The following NPAS3 variants were observed in gnomAD, a reference collection of about 807,000 sequenced individuals.
NPAS3 encodes the protein neuronal PAS domain protein 3.
A neutral mutation model predicts 73.1 loss-of-function variants in NPAS3; 14 were observed. That is an observed-to-expected ratio of 0.19 (90% CI 0.13 to 0.30). The LOEUF is 0.30. Ranked by LOEUF, NPAS3 falls within the 10% of genes least tolerant of loss-of-function variation. The pLI, the probability that NPAS3 is intolerant of heterozygous loss-of-function variation, is 1.00. For synonymous variants in NPAS3, 620 were observed against 541.5 expected, an observed-to-expected ratio of 1.14 and a Z score of -2.01; for missense variants, 1,096 against 1,250.0, an observed-to-expected ratio of 0.88 and a Z score of 1.86.
intron 9 of NPAS3, among the ~76,000 whole-genome samples, chr14:33,790,874 G>A (rs968898049): frequency 1.1e-4 from 16 of 152,096 alleles, no homozygotes; most frequent in African/African-American, 3.6e-4. Context: ...TCACCATGTT[G>A]GCCAGGCTAG....
chr14:33,187,374 G>A (rs1468691675), intron 2 of NPAS3, among the ~76,000 whole-genome samples: 1 of 152,140 alleles, frequency 6.6e-6, no homozygotes, highest in Non-Finnish European at 1.5e-5. Flanking sequence ...CTTTATGTAG[G>A]TAATTTCTCT....
intron 3 of NPAS3, among the ~76,000 whole-genome samples, chr14:33,313,872 CTAAG>C (rs1260861337): frequency 6.6e-6 from 1 of 151,942 alleles, no homozygotes; most frequent in East Asian, 1.9e-4. Flanking sequence ...GGTCACACTG[CTAAG>C]TGTTTTTTTA....
intron 3 of NPAS3, among the ~76,000 whole-genome samples, chr14:33,272,132 G>A (rs975059987): frequency 6.6e-6 from 1 of 152,142 alleles, no homozygotes; most frequent in Non-Finnish European, 1.5e-5. Context: ...CAGAAATCAT[G>A]TTTCTCAATC....
chr14:33,729,123 CA>C lies in NPAS3; in HGVS notation c.734-6090del, dbSNP rs2061342261. Reference sequence around the variant, plus strand: ...TTCCTTTCTTTCAATATCTTTCTTACAGTCTTGTACATGGCACTATCGATGA... The same window carrying C: ...TTCCTTTCTTTCAATATCTTTCTTACGTCTTGTACATGGCACTATCGATGA... On this transcript the variant is annotated intron_variant, in intron 6 of 11. Coordinates refer to ENST00000356141, the Ensembl canonical transcript of NPAS3. Among the ~76,000 whole-genome samples, 3 of 152,272 alleles carry C rather than the reference CA, an allele frequency of 2.0e-5. No individual in the cohort carries two copies. In the South Asian group the frequency reaches 6.2e-4, roughly 32 times the overall value.
At chr14:33,269,232 G>A (rs1242258958) in intron 3 of NPAS3, among the ~76,000 whole-genome samples, 1 of 152,016 alleles carries the variant, frequency 6.6e-6, no homozygotes, top group African/African-American at 2.4e-5. Flanking sequence ...CCTCTGTCAG[G>A]CTTTAGTGAA....
At chr14:32,987,789 A>T (rs2038157245) in intron 1 of NPAS3, among the ~76,000 whole-genome samples, 1 of 152,182 alleles carries the variant, frequency 6.6e-6, no homozygotes, top group African/African-American at 2.4e-5. Context: ...TATTGTATGT[A>T]AAAAATACTT....
chr14:33,677,073 T>C (rs2059790324), intron 6 of NPAS3, among the ~76,000 whole-genome samples: 1 of 152,220 alleles, frequency 6.6e-6, no homozygotes, highest in African/African-American at 2.4e-5. Flanking sequence ...AATCCATTTA[T>C]AAATTAAACA....
chr14:33,313,255 C>G (rs943085018), intron 3 of NPAS3, among the ~76,000 whole-genome samples: 6 of 152,050 alleles, frequency 3.9e-5, no homozygotes, highest in Admixed American at 6.6e-5. Context: ...TGGAGAAACT[C>G]TGATCCAGAA....
intron 3 of NPAS3, among the ~76,000 whole-genome samples, chr14:33,246,574 A>G (rs2768837): frequency 0.9 from 133,477 of 147,690 alleles, 60,386 homozygotes; most frequent in South Asian, 0.95. Flanking sequence ...CTAAGTGCTC[A>G]CTTGTTCCTT....
intron 4 of NPAS3, among the ~76,000 whole-genome samples, chr14:33,435,723 A>T (rs1364080277): frequency 2.0e-5 from 3 of 152,150 alleles, no homozygotes; most frequent in East Asian, 1.9e-4. Flanking sequence ...AATGTATATA[A>T]TTAAACCAAA....
chr14:32,984,996 G>A (rs1040171583), intron 1 of NPAS3, among the ~76,000 whole-genome samples: 1 of 151,366 alleles, frequency 6.6e-6, no homozygotes, highest in Non-Finnish European at 1.5e-5. Context: ...TTAAGTCCTG[G>A]GTATAATGTG....
At chr14:32,985,959 G>A (rs1418536021) in intron 1 of NPAS3, among the ~76,000 whole-genome samples, 1 of 152,202 alleles carries the variant, frequency 6.6e-6, no homozygotes, top group African/African-American at 2.4e-5. Context: ...GCTTCCCCGT[G>A]TCATTCAGAC....
chr14:33,260,696 C>G (rs763335646), intron 3 of NPAS3, among the ~76,000 whole-genome samples: 3 of 152,102 alleles, frequency 2.0e-5, no homozygotes, highest in Non-Finnish European at 4.4e-5. Flanking sequence ...CCTGGTCTTC[C>G]TCATTTCCTG....
At chr14:33,452,102 T>C (rs1442264375) in intron 4 of NPAS3, among the ~76,000 whole-genome samples, 1 of 152,230 alleles carries the variant, frequency 6.6e-6, no homozygotes, top group East Asian at 1.9e-4. Context: ...AGAACCTGGC[T>C]GAAGCTGGAG....
chr14:33,623,596 A>G (rs559797129), intron 5 of NPAS3, among the ~76,000 whole-genome samples: 7 of 152,300 alleles, frequency 4.6e-5, no homozygotes, highest in African/African-American at 1.7e-4. Context: ...GGTCCTGTGC[A>G]AACATAAGTC....
chr14:33,088,153 C>T (rs2042099022), intron 2 of NPAS3, among the ~76,000 whole-genome samples: 1 of 152,206 alleles, frequency 6.6e-6, no homozygotes, highest in Non-Finnish European at 1.5e-5. Context: ...AACTGAGGTA[C>T]TGGGTTCATC....
chr14:33,764,068 G>A (rs959957029), intron 7 of NPAS3, among the ~76,000 whole-genome samples: 5 of 152,156 alleles, frequency 3.3e-5, no homozygotes, highest in Admixed American at 2.6e-4. Context: ...AGCTGAGGAA[G>A]ACAGGAGTGG....
intron 5 of NPAS3, among the ~76,000 whole-genome samples, chr14:33,621,446 CA>C (rs2058072026): frequency 6.6e-6 from 1 of 152,106 alleles, no homozygotes; most frequent in Admixed American, 6.5e-5. Context: ...TACCTTGTAT[CA>C]TTGTGCGTAT....
intron 1 of NPAS3, 55 bp from the exon 2 acceptor site, chr14:33,055,850 C>T (rs2040868164): frequency 2.6e-6 from 2 of 762,138 alleles, no homozygotes; most frequent in Non-Finnish European, 2.3e-6. Flanking sequence ...TCCTGCATTC[C>T]AGTTGACTGT....
Sources: gnomAD v4.1 joint callset for allele counts (sites outside exome capture counted in the v4.1 genomes callset) on GRCh38, gnomAD v4.1.1 for gene constraint, MANE v1.5 for transcripts, NCBI Gene and HGNC (gene_info 2026-07-23, HGNC 2026-07-21) for gene names.